Variants in GALNT17 observed in about 807,000 individuals in gnomAD.
GALNT17 encodes UDP-GalNAc:polypeptide N-acetylgalactosaminyltransferase-like 3.
Under a neutral mutation model 63.7 loss-of-function variants are expected in GALNT17, and 29 were observed. That is an observed-to-expected ratio of 0.46 (90% CI 0.34 to 0.62). The LOEUF is 0.62. Ranked by LOEUF, GALNT17 falls within the 20% of genes least tolerant of loss-of-function variation. GALNT17 has a pLI of 0.01. For missense variants in GALNT17, 603 were observed against 799.6 expected (o/e 0.75, Z 2.97); for synonymous variants, 305 against 318.3 (o/e 0.96, Z 0.45).
In GALNT17 at chr7:71,401,273, T is replaced by C. The variant is rs540836941; in HGVS notation, c.589+12872T>C. 3.3e-5 allele frequency among the ~76,000 whole-genome samples: 5 copies of C among 152,052 alleles called. No homozygotes were observed. In the South Asian group the frequency reaches 1.0e-3, roughly 32 times the overall value. ...CACCACACCTGGCTAATTTTAATATTTTTAGTACAGATGGTGATTCGCCAT... is the reference window on the plus strand; with the variant it reads ...CACCACACCTGGCTAATTTTAATATCTTTAGTACAGATGGTGATTCGCCAT... On this transcript the variant is annotated intron_variant, in intron 3 of 10. Coordinates refer to ENST00000333538, the MANE Select transcript of GALNT17 (RefSeq NM_022479.3).
intron 5 of GALNT17, among the ~76,000 whole-genome samples, chr7:71,569,560 T>G (rs961367811): frequency 1.3e-5 from 2 of 152,174 alleles, no homozygotes; most frequent in African/African-American, 4.8e-5. Flanking sequence ...TTAATTTGTT[T>G]GTTAGCTCGG....
chr7:71,415,993 G>A lies in GALNT17; in HGVS notation c.694G>A (p.Glu232Lys), dbSNP rs1421116535. 1 of 1,613,810 alleles carries A rather than the reference G, an allele frequency of 6.2e-7. No homozygotes were observed. The part of the protein sequence containing the change: ...KREGLIRARI[E>K]GWKVATGQVT... ...GGAAGGCCTGATCCGCGCTCGCATT[G>A]AGGGCTGGAAGGTGGCTACCGGGCA... is the stretch of plus-strand genomic sequence containing the variant. Residue 232 changes from glutamate (E) to lysine (K), a missense_variant, in exon 4 of 11, where the codon GAG (glutamate) becomes AAG (lysine). Around this residue, in one of 3 missense-constraint regions of GALNT17, gnomAD observed 336 missense variants for 507.8 expected, o/e 0.66. Coordinates refer to ENST00000333538, the MANE Select transcript of GALNT17 (RefSeq NM_022479.3).
At chr7:71,610,249 G>A (rs1790106080) in intron 6 of GALNT17, among the ~76,000 whole-genome samples, 2 of 152,238 alleles carry the variant, frequency 1.3e-5, no homozygotes, top group South Asian at 4.2e-4. Flanking sequence ...CCAGAACTTT[G>A]GTAAGTCAAG....
chr7:71,563,315 G>A (rs554753167), intron 5 of GALNT17, among the ~76,000 whole-genome samples: 1 of 152,294 alleles, frequency 6.6e-6, no homozygotes, highest in Admixed American at 6.5e-5. Context: ...TTCCACAGCT[G>A]GGTAGGTGGT....
At chr7:71,247,605 C>T (rs1167187129) in intron 1 of GALNT17, among the ~76,000 whole-genome samples, 1 of 152,070 alleles carries the variant, frequency 6.6e-6, no homozygotes, top group Non-Finnish European at 1.5e-5. Context: ...TACAGGCATG[C>T]GCCATCGTGT....
At chr7:71,275,005 G>A (rs779061309) in intron 1 of GALNT17, among the ~76,000 whole-genome samples, 6 of 152,234 alleles carry the variant, frequency 3.9e-5, no homozygotes, top group Non-Finnish European at 8.8e-5. Context: ...TCACCATAGT[G>A]GGGGCTGAGG....
At chr7:71,662,332 A>ATCTATCTATCTGTCTG (rs147810329) in intron 6 of GALNT17, among the ~76,000 whole-genome samples, 6 of 151,108 alleles carry the variant, frequency 4.0e-5, no homozygotes, top group Non-Finnish European at 3.0e-5. Context: ...CTATCTATCT[A>ATCTATCTATCTGTCTG]TCTGTCTGTC....
intron 6 of GALNT17, among the ~76,000 whole-genome samples, chr7:71,586,915 C>T (rs895485570): frequency 6.6e-6 from 1 of 152,262 alleles, no homozygotes; most frequent in Non-Finnish European, 1.5e-5. Context: ...TAATGGTATA[C>T]AATATTCACC....
intron 2 of GALNT17, among the ~76,000 whole-genome samples, chr7:71,386,850 G>A (rs1792954591): frequency 6.6e-6 from 1 of 152,086 alleles, no homozygotes; most frequent in African/African-American, 2.4e-5. Context: ...TATGATTATT[G>A]GCGTGGGTGT....
At chr7:71,223,646 C>T (rs375896680) in intron 1 of GALNT17, among the ~76,000 whole-genome samples, 21 of 152,210 alleles carry the variant, frequency 1.4e-4, no homozygotes, top group African/African-American at 4.8e-4. Flanking sequence ...CAGATTATTC[C>T]ATCACCCAGG....
intron 1 of GALNT17, among the ~76,000 whole-genome samples, chr7:71,279,771 C>G (rs892986653): frequency 6.7e-6 from 1 of 150,060 alleles, no homozygotes; most frequent in Non-Finnish European, 1.5e-5. Context: ...AGGAACGAAG[C>G]GAAATGGGGG....
chr7:71,388,855 G>T (rs1793000001), intron 3 of GALNT17, among the ~76,000 whole-genome samples: 1 of 152,026 alleles, frequency 6.6e-6, no homozygotes, highest in Non-Finnish European at 1.5e-5. Flanking sequence ...AGATATCTAG[G>T]CTTACCCTAG....
chr7:71,255,925 C>T (rs760164826), intron 1 of GALNT17, among the ~76,000 whole-genome samples: 5 of 152,144 alleles, frequency 3.3e-5, no homozygotes, highest in Non-Finnish European at 7.3e-5. Context: ...GAGTTCAGGC[C>T]ATGATAGGGA....
At chr7:71,176,327 A>G (rs1788638191) in intron 1 of GALNT17, among the ~76,000 whole-genome samples, 1 of 152,146 alleles carries the variant, frequency 6.6e-6, no homozygotes, top group African/African-American at 2.4e-5. Flanking sequence ...GGGTGTGGCA[A>G]GATCTCAAAA....
At chr7:71,587,172 C>T (rs10950269) in intron 6 of GALNT17, among the ~76,000 whole-genome samples, 38,339 of 151,964 alleles carry the variant, frequency 0.25, 4,952 homozygotes, top group Admixed American at 0.27. Flanking sequence ...AGACTATAGG[C>T]GCACACCACC....
chr7:71,669,849 C>T, intron 7 of GALNT17, 123 bp from the exon 8 acceptor site: 2 of 1,275,520 alleles, frequency 1.6e-6, no homozygotes, highest in Non-Finnish European at 2.2e-6. Flanking sequence ...GCATGAGCCA[C>T]CGTGCCCAGC....
intron 3 of GALNT17, among the ~76,000 whole-genome samples, chr7:71,400,395 C>CT (rs1217795932): frequency 1.3e-5 from 2 of 151,898 alleles, no homozygotes; most frequent in Non-Finnish European, 2.9e-5. Flanking sequence ...TTAAACAAAC[C>CT]TTTTTTACAT....
At chr7:71,567,737 A>G (rs1191572166) in intron 5 of GALNT17, among the ~76,000 whole-genome samples, 3 of 152,192 alleles carry the variant, frequency 2.0e-5, no homozygotes, top group South Asian at 4.1e-4. Flanking sequence ...TGCTGGGGTT[A>G]CAGGTGTGAG....
chr7:71,256,954 A>C (rs1790300740), intron 1 of GALNT17, among the ~76,000 whole-genome samples: 1 of 152,170 alleles, frequency 6.6e-6, no homozygotes, highest in Non-Finnish European at 1.5e-5. Flanking sequence ...AGGAGAGGGA[A>C]GAGTTTTTCT....
Sources: gnomAD v4.1 joint callset for allele counts (sites outside exome capture counted in the v4.1 genomes callset) on GRCh38, gnomAD v4.1.1 for gene constraint, gnomAD v4.1.1 regional missense constraint, MANE v1.5 for transcripts, NCBI Gene and HGNC (gene_info 2026-07-23, HGNC 2026-07-21) for gene names.